ELAPOR1: variants seen among roughly 807,000 people sequenced by gnomAD.
ELAPOR1 encodes endosome-lysosome associated apoptosis and autophagy regulator 1, also known as endosome/lysosome-associated apoptosis and autophagy regulator 1.
ELAPOR1 carries 77 observed loss-of-function variants against 119.7 expected under a neutral mutation model. The observed-to-expected ratio is 0.64, with a 90% confidence interval of 0.54 to 0.78. The LOEUF (loss-of-function observed/expected upper bound fraction) is 0.78. ELAPOR1 is among the 30% of genes least tolerant of loss of function. ELAPOR1 has a pLI of 0.00. For synonymous variants in ELAPOR1, 481 were observed against 487.2 expected, an observed-to-expected ratio of 0.99 and a Z score of 0.17; for missense variants, 1,115 against 1,270.4, an observed-to-expected ratio of 0.88 and a Z score of 1.86.
intron 3 of ELAPOR1, among the ~76,000 whole-genome samples, chr1:109,169,137 G>A (rs953927768): frequency 3.3e-5 from 5 of 151,208 alleles, no homozygotes; most frequent in African/African-American, 7.2e-5. Flanking sequence ...ATATGTTTTC[G>A]TTTTGAGAAT....
intron 1 of ELAPOR1, among the ~76,000 whole-genome samples, chr1:109,158,486 A>C (rs1324506454): frequency 6.6e-6 from 1 of 151,978 alleles, no homozygotes; most frequent in Non-Finnish European, 1.5e-5. Context: ...CTTCCTTCTC[A>C]TGTGCCCAGG....
At chr1:109,137,807 C>T (rs1277973419) in intron 1 of ELAPOR1, among the ~76,000 whole-genome samples, 2 of 152,200 alleles carry the variant, frequency 1.3e-5, no homozygotes, top group Non-Finnish European at 2.9e-5. Flanking sequence ...GGATTACAGG[C>T]GTGAGCCACC....
At chr1:109,173,309 G>A (rs1652040084) in intron 5 of ELAPOR1, among the ~76,000 whole-genome samples, 165 bp from the exon 6 acceptor site, 1 of 152,104 alleles carries the variant, frequency 6.6e-6, no homozygotes, top group Admixed American at 6.5e-5. Context: ...GAGAGGAGCT[G>A]TGCTAAGTTG....
At chr1:109,174,448 A>AAAAAAC (rs1652130850) in intron 7 of ELAPOR1, among the ~76,000 whole-genome samples, 1 of 137,782 alleles carries the variant, frequency 7.3e-6, no homozygotes, top group Admixed American at 7.4e-5. Flanking sequence ...AAAAAAAAAA[A>AAAAAAC]TCATTCAATA....
intron 3 of ELAPOR1, 140 bp downstream of exon 3, chr1:109,164,831 C>T (rs1651487797): frequency 2.6e-6 from 2 of 783,626 alleles, no homozygotes; most frequent in East Asian, 2.8e-5. Context: ...CAGGGTGAGG[C>T]CTGCAGCTGT....
chr1:109,189,927 G>A (rs920872699), intron 11 of ELAPOR1, among the ~76,000 whole-genome samples: 31 of 151,852 alleles, frequency 2.0e-4, no homozygotes, highest in Admixed American at 1.8e-3. Context: ...CATTAGTCAC[G>A]TGCTATTCAA....
chr1:109,201,194 A>G (rs1570737605), intron 21 of ELAPOR1: 1 of 491,330 alleles, frequency 2.0e-6, no homozygotes, highest in East Asian at 4.6e-5. Context: ...TGAACCATCT[A>G]TGTTGTAAGA....
At position 109,204,428 on chromosome 1, in the gene ELAPOR1, C is replaced by T. The variant is rs1052042278; in HGVS notation, c.*1416C>T. On this transcript the variant is annotated 3_prime_UTR_variant, in exon 22 of 22. Transcript: ENST00000369939. ...AAGCCCCAAACCCAGATGTTCCAGC[C>T]TTATCCTCTGTTGGGTTTACCCACA... The T allele has an allele frequency of 6.6e-6, 1 of 152,256 alleles. No individual in the cohort carries two copies. Among genetic ancestry groups the T allele is most frequent in the Admixed American group, 6.5e-5 (1 of 15,292 alleles). The allele number at this position is 152,256 out of a possible 1,614,324, so 9.4% of individuals were successfully genotyped here.
chr1:109,129,099 G>A (rs986888003), intron 1 of ELAPOR1, among the ~76,000 whole-genome samples: 1 of 152,108 alleles, frequency 6.6e-6, no homozygotes, highest in Non-Finnish European at 1.5e-5. Context: ...TTACCAAATA[G>A]TTATTTTTCC....
intron 1 of ELAPOR1, among the ~76,000 whole-genome samples, chr1:109,155,462 G>T (rs1295319468): frequency 6.6e-6 from 1 of 152,164 alleles, no homozygotes; most frequent in Non-Finnish European, 1.5e-5. Context: ...ACAGGCGTGA[G>T]CCACCAAGCC....
At chr1:109,198,767 G>T in intron 18 of ELAPOR1, 93 bp downstream of exon 18, 1 of 1,169,350 alleles carries the variant, frequency 8.6e-7, no homozygotes, top group South Asian at 1.4e-5. Flanking sequence ...GAGCAAAAAA[G>T]AAAAGAGTTT....
chr1:109,121,867 G>A (rs1055118817), intron 1 of ELAPOR1, among the ~76,000 whole-genome samples: 4 of 150,226 alleles, frequency 2.7e-5, no homozygotes, highest in African/African-American at 7.4e-5. Flanking sequence ...TCTGCTTCCC[G>A]GGTTCAAGCA....
At chr1:109,115,795 C>T (rs1233187463) in intron 1 of ELAPOR1, among the ~76,000 whole-genome samples, 1 of 152,090 alleles carries the variant, frequency 6.6e-6, no homozygotes, top group Non-Finnish European at 1.5e-5. Context: ...TTTTGATAAC[C>T]TTTATTAGCT....
chr1:109,161,660 A>T (rs2101039779), intron 1 of ELAPOR1: 1 of 379,500 alleles, frequency 2.6e-6, no homozygotes, highest in East Asian at 4.0e-5. Flanking sequence ...CAACAAAGAG[A>T]GTCACACACA....
intron 7 of ELAPOR1, among the ~76,000 whole-genome samples, chr1:109,180,627 T>A (rs1033854765): frequency 2.0e-5 from 3 of 152,212 alleles, no homozygotes; most frequent in African/African-American, 7.2e-5. Context: ...GTAATTTTAT[T>A]AATTCATTTA....
At chr1:109,129,145 A>G (rs1232442600) in intron 1 of ELAPOR1, among the ~76,000 whole-genome samples, 1 of 152,198 alleles carries the variant, frequency 6.6e-6, no homozygotes, top group African/African-American at 2.4e-5. Flanking sequence ...CTGAAATTTA[A>G]AATAAACCCC....
At chr1:109,120,259 T>C (rs756331620) in intron 1 of ELAPOR1, among the ~76,000 whole-genome samples, 17 of 151,958 alleles carry the variant, frequency 1.1e-4, no homozygotes, top group Non-Finnish European at 2.1e-4. Context: ...CTAGCTGGTG[T>C]GGTGGTGCAT....
chr1:109,166,011 G>A (rs1428440863), intron 3 of ELAPOR1, among the ~76,000 whole-genome samples: 1 of 151,948 alleles, frequency 6.6e-6, no homozygotes, highest in East Asian at 1.9e-4. Context: ...TGCCTCCCGG[G>A]TTGACGCCAT....
chr1:109,137,254 A>C (rs1228623171), intron 1 of ELAPOR1, among the ~76,000 whole-genome samples: 2 of 151,946 alleles, frequency 1.3e-5, no homozygotes, highest in African/African-American at 4.8e-5. Flanking sequence ...CCCAGGCTGG[A>C]GTGTAGTGGT....
Sources: gnomAD v4.1 joint callset for allele counts (sites outside exome capture counted in the v4.1 genomes callset) on GRCh38, gnomAD v4.1.1 for gene constraint, MANE v1.5 for transcripts, NCBI Gene and HGNC (gene_info 2026-07-23, HGNC 2026-07-21) for gene names.